Variants in SIPA1L2 observed in about 807,000 individuals in gnomAD.
SIPA1L2 encodes signal induced proliferation associated 1 like 2.
A neutral mutation model predicts 163.9 loss-of-function variants in SIPA1L2; 56 were observed. The observed-to-expected ratio is 0.34, with a 90% CI of 0.28 to 0.43. The LOEUF (loss-of-function observed/expected upper bound fraction) is 0.43, where lower values mean the gene tolerates loss of function less well. SIPA1L2 is among the 20% of genes least tolerant of loss of function. SIPA1L2 has a pLI of 1.00. For synonymous variants in SIPA1L2, 877 were observed against 865.7 expected, an observed-to-expected ratio of 1.01 and a Z score of -0.23; for missense variants, 1,974 against 2,193.5, an observed-to-expected ratio of 0.90 and a Z score of 2.00.
At chr1:232,630,307 T>A (rs976584893), upstream of SIPA1L2, among the ~76,000 whole-genome samples, 1 of 151,748 alleles carries the variant, frequency 6.6e-6, no homozygotes, top group Admixed American at 6.5e-5. Flanking sequence ...GGTGCGCTGT[T>A]CCCAGGCCCC....
At chr1:232,400,505 C>G (rs1028236433) in intron 22 of SIPA1L2, among the ~76,000 whole-genome samples, 5 of 152,150 alleles carry the variant, frequency 3.3e-5, no homozygotes, top group African/African-American at 4.8e-5. Context: ...GTCGGGCAGG[C>G]AGACAGTGCA....
rs1487192174 is a variant in SIPA1L2 at position 232,439,502 on chromosome 1, G to C, written c.3643-6C>G. 5 of 1,607,198 alleles carry C rather than the reference G, an allele frequency of 3.1e-6. 1 individual carries two copies. The highest frequency in any genetic ancestry group is 1.7e-4 in the Middle Eastern group (1 of 6,022). ...GAGCAACTTTTATCCCCAATCTTCA[G>C]AAGAAAGAGGAACAGAGAGTTCTCA... On this transcript the variant is annotated splice_polypyrimidine_tract_variant and splice_region_variant and intron_variant, in intron 14 of 22. Transcript: ENST00000674635.
intron 2 of SIPA1L2, among the ~76,000 whole-genome samples, chr1:232,533,811 T>TA (rs1255173667): frequency 6.6e-6 from 1 of 152,262 alleles, no homozygotes; most frequent in East Asian, 1.9e-4. Flanking sequence ...AACAACGAGT[T>TA]AAGCAGCAGA....
At position 232,432,402 on chromosome 1, in the gene SIPA1L2, T is replaced by G; in HGVS notation, c.4101A>C (p.Lys1367Asn). Residue 1367 changes from lysine (K) to asparagine (N), a missense_variant, in exon 16 of 23, where the codon AAA becomes AAC. Physicochemically the swap from Lys to Asn is moderately conservative, Grantham distance 94. Transcript: ENST00000674635. ...SKSSGSLDSS[K>N]VYIVSHSSGQ... The stretch of plus-strand genomic sequence containing the variant: ...CGCTGCTGTGAGACACGATGTAGAC[T>G]TTGGATGAATCCAGAGACCCACTAC... 6.2e-7 allele frequency: 1 copy of G among 1,614,200 alleles called. No individual in the cohort carries two copies. The highest frequency in any genetic ancestry group is 8.5e-7 in the Non-Finnish European group (1 of 1,180,040).
chr1:232,448,405 T>C (rs1663342769), intron 10 of SIPA1L2, among the ~76,000 whole-genome samples: 1 of 152,208 alleles, frequency 6.6e-6, no homozygotes, highest in South Asian at 2.1e-4. Context: ...TCCTAATATT[T>C]GCCCTTTGAG....
At chr1:232,497,834 A>G (rs541478555) in intron 3 of SIPA1L2, among the ~76,000 whole-genome samples, 1 of 152,266 alleles carries the variant, frequency 6.6e-6, no homozygotes, top group Admixed American at 6.5e-5. Flanking sequence ...TCTATCTTCT[A>G]TCTTTCCAAC....
At chr1:232,583,335 T>A (rs768508174) in intron 1 of SIPA1L2, among the ~76,000 whole-genome samples, 3 of 152,240 alleles carry the variant, frequency 2.0e-5, no homozygotes, top group African/African-American at 4.8e-5. Context: ...ATATAGCTGA[T>A]ACAGGTTTTT....
At chr1:232,538,742 A>T (rs1657463309) in intron 2 of SIPA1L2, among the ~76,000 whole-genome samples, 1 of 151,268 alleles carries the variant, frequency 6.6e-6, no homozygotes, top group African/African-American at 2.4e-5. Context: ...GAGAAGAAAA[A>T]CTTTCAATAA....
rs1221630751 is a variant in SIPA1L2 at position 232,398,321 on chromosome 1, A to C, written c.*806T>G. On this transcript the variant is annotated 3_prime_UTR_variant, in exon 23 of 23. Coordinates refer to ENST00000674635, the MANE Select transcript of SIPA1L2 (RefSeq NM_020808.5). ...GTGGTTCCGCTGGCTCACAGCACAC[A>C]GGGAAGTTCTAGTGAGTAAGCAGAT... 6.5e-6 allele frequency: 1 copy of C among 152,674 alleles called. No homozygotes were observed. Among genetic ancestry groups the C allele is most frequent in the African/African-American group, 2.4e-5 (1 of 41,458 alleles). The allele number at this position is 152,674 out of a possible 1,614,324, so 9.5% of individuals were successfully genotyped here. A position where few individuals can be genotyped will look rare whatever the true frequency, so the allele number is the denominator to read the frequency against.
intron 1 of SIPA1L2, among the ~76,000 whole-genome samples, chr1:232,588,341 G>A (rs1660780785): frequency 6.6e-6 from 1 of 152,182 alleles, no homozygotes; most frequent in Admixed American, 6.5e-5. Context: ...GAGGAAAACA[G>A]TAAGATTAAG....
chr1:232,582,653 T>G (rs1372366534), intron 1 of SIPA1L2, among the ~76,000 whole-genome samples: 6 of 152,194 alleles, frequency 3.9e-5, no homozygotes, highest in African/African-American at 1.4e-4. Context: ...ATGATCTATT[T>G]TCCTTTGGTT....
chr1:232,589,184 G>A (rs1169661762), intron 1 of SIPA1L2, among the ~76,000 whole-genome samples: 4 of 152,312 alleles, frequency 2.6e-5, no homozygotes, highest in Middle Eastern at 3.4e-3. Context: ...GTGACAAAAC[G>A]CAGTTTCATT....
chr1:232,476,802 A>G (rs1430701323), intron 7 of SIPA1L2, among the ~76,000 whole-genome samples: 1 of 152,192 alleles, frequency 6.6e-6, no homozygotes, highest in Non-Finnish European at 1.5e-5. Context: ...ATCCAGCTTG[A>G]TTTATTACAA....
At chr1:232,473,672 TC>T (rs1200247022) in intron 7 of SIPA1L2, among the ~76,000 whole-genome samples, 1 of 152,260 alleles carries the variant, frequency 6.6e-6, no homozygotes, top group African/African-American at 2.4e-5. Flanking sequence ...ACCACTGTTG[TC>T]CCTTTCTAGA....
At chr1:232,438,219 C>T (rs1662679522) in intron 15 of SIPA1L2, among the ~76,000 whole-genome samples, 1 of 152,168 alleles carries the variant, frequency 6.6e-6, no homozygotes. Context: ...AATGCTCCCT[C>T]ATAGCACTAG....
At chr1:232,577,283 T>C (rs1660128600) in intron 1 of SIPA1L2, among the ~76,000 whole-genome samples, 1 of 152,166 alleles carries the variant, frequency 6.6e-6, no homozygotes, top group East Asian at 1.9e-4. Context: ...ATATTTTAAG[T>C]CCACATTGAA....
At chr1:232,449,990 C>T (rs1163837532) in intron 10 of SIPA1L2, among the ~76,000 whole-genome samples, 2 of 152,166 alleles carry the variant, frequency 1.3e-5, no homozygotes, top group Admixed American at 1.3e-4. Context: ...AAAACAACAT[C>T]CTAACTTTTG....
chr1:232,402,526 T>C (rs1660408335), intron 21 of SIPA1L2, 53 bp from the exon 22 acceptor site: 2 of 1,536,638 alleles, frequency 1.3e-6, no homozygotes, highest in South Asian at 1.2e-5. Context: ...TCGAGCATTT[T>C]TGTTGGTCAA....
At chr1:232,444,934 T>G (rs886582495) in intron 11 of SIPA1L2, among the ~76,000 whole-genome samples, 2 of 152,150 alleles carry the variant, frequency 1.3e-5, no homozygotes, top group Non-Finnish European at 2.9e-5. Context: ...AATAAGAAAT[T>G]TATTATTTTG....
Sources: allele counts gnomAD v4.1 joint callset (sites outside exome capture counted in the v4.1 genomes callset), GRCh38; gene constraint gnomAD v4.1.1; transcripts MANE v1.5; gene names NCBI Gene and HGNC (gene_info 2026-07-23, HGNC 2026-07-21).